Variants in INPP4A observed in about 807,000 individuals in gnomAD.
INPP4A encodes the protein inositol polyphosphate-4-phosphatase, type I, 107kD.
Under a neutral mutation model 119.8 loss-of-function variants are expected in INPP4A, and 33 were observed. The ratio of observed to expected loss-of-function variants is 0.28; its 90% CI spans 0.21 to 0.37. The LOEUF (loss-of-function observed/expected upper bound fraction) is 0.37. INPP4A is among the 10% of genes least tolerant of loss of function. INPP4A has a pLI of 1.00. For synonymous variants in INPP4A, 496 were observed against 500.7 expected, an observed-to-expected ratio of 0.99 and a Z score of 0.12; for missense variants, 956 against 1,289.9, an observed-to-expected ratio of 0.74 and a Z score of 3.97.
chr2:98,548,214 C>G (rs565042649), intron 13 of INPP4A, among the ~76,000 whole-genome samples: 1 of 152,112 alleles, frequency 6.6e-6, no homozygotes, highest in Non-Finnish European at 1.5e-5. Flanking sequence ...CGGTGAGTCC[C>G]GGAGGGAGGA....
Position 98,487,365 on chromosome 2 carries a change from T to G in INPP4A, c.-165-31599T>G, listed in dbSNP as rs538610968. On this transcript the variant is annotated intron_variant, in intron 1 of 24. Coordinates refer to ENST00000409851, the MANE Select transcript of INPP4A (RefSeq NM_001134225.2). ...TCCTTGTTTTTGATGACCTTGACAG[T>G]GTTTAGAGACAGAATCAATTTTTAT... Among the ~76,000 whole-genome samples the G allele has an allele frequency of 2.4e-4, 37 of 152,310 alleles. 3 individuals carry two copies. In the East Asian group the frequency reaches 3.7e-3, roughly 15 times the overall value.
At chr2:98,452,125 G>T in intron 1 of INPP4A, among the ~76,000 whole-genome samples, 1 of 152,208 alleles carries the variant, frequency 6.6e-6, no homozygotes, top group African/African-American at 2.4e-5. Flanking sequence ...TGTCCAGCAG[G>T]AGCAGGGAAG....
At chr2:98,497,792 A>T (rs1682327157) in intron 1 of INPP4A, among the ~76,000 whole-genome samples, 1 of 152,164 alleles carries the variant, frequency 6.6e-6, no homozygotes, top group Admixed American at 6.5e-5. Flanking sequence ...CATGACCTGG[A>T]TATGAGACAT....
chr2:98,537,174 T>C (rs1047345477), intron 7 of INPP4A, among the ~76,000 whole-genome samples: 6 of 152,120 alleles, frequency 3.9e-5, no homozygotes, highest in Admixed American at 1.3e-4. Flanking sequence ...ACAAAGGAAA[T>C]GGTCAGTAGA....
In INPP4A at chr2:98,487,952, C is replaced by T. The variant is rs139158708; in HGVS notation, c.-165-31012C>T. ...GAATTACCTTCCTGTGGCAGTGTTA[C>T]GTGCCCAGGGTGCTCTGTCCCTGCT... On this transcript the variant is annotated intron_variant, in intron 1 of 24. Coordinates refer to ENST00000409851, the MANE Select transcript of INPP4A (RefSeq NM_001134225.2). Among the ~76,000 whole-genome samples the T allele has an allele frequency of 6.7e-3, 1,018 of 152,268 alleles. 17 individuals are homozygous for T. Among genetic ancestry groups the T allele is most frequent in the African/African-American group, 0.023 (952 of 41,546 alleles).
chr2:98,470,857 G>A lies in INPP4A; in HGVS notation c.-166+25772G>A, dbSNP rs142010837. ...TAATTTTTGTATTTTTAGTAGAGAC[G>A]GGGTTTCACCATGTTAGCCAGGCTG... On this transcript the variant is annotated intron_variant, in intron 1 of 24. Coordinates refer to ENST00000409851, the MANE Select transcript of INPP4A (RefSeq NM_001134225.2). Among the ~76,000 whole-genome samples, 461 of 152,036 alleles carry A rather than the reference G, an allele frequency of 3.0e-3. 1 individual carries two copies. Among genetic ancestry groups the A allele is most frequent in the African/African-American group, 0.011 (445 of 41,466 alleles).
intron 1 of INPP4A, among the ~76,000 whole-genome samples, chr2:98,458,318 T>G (rs1696523680): frequency 6.6e-6 from 1 of 152,096 alleles, no homozygotes; most frequent in African/African-American, 2.4e-5. Flanking sequence ...CACTCCAGTC[T>G]TGGTGACAGG....
intron 13 of INPP4A, among the ~76,000 whole-genome samples, chr2:98,548,743 A>T (rs1692942326): frequency 6.6e-6 from 1 of 152,160 alleles, no homozygotes; most frequent in Admixed American, 6.5e-5. Context: ...CTGAGGTGGG[A>T]TGTCTCCCTG....
chr2:98,502,932 C>A (rs1683395797), intron 1 of INPP4A, among the ~76,000 whole-genome samples: 1 of 152,160 alleles, frequency 6.6e-6, no homozygotes, highest in Admixed American at 6.5e-5. Flanking sequence ...TTTATATTTG[C>A]AGAATCAGTG....
intron 5 of INPP4A, 23 bp from the exon 6 acceptor site, chr2:98,535,706 G>T: frequency 8.9e-7 from 1 of 1,124,352 alleles, no homozygotes; most frequent in Non-Finnish European, 1.3e-6. Context: ...CCTGTGTTCT[G>T]ATTATTTCCT....
rs3769704 is a variant in INPP4A at position 98,578,585 on chromosome 2, A to C, written c.2786+1442A>C. Among the ~76,000 whole-genome samples the C allele has an allele frequency of 6.6e-4, 101 of 152,366 alleles. 2 individuals carry two copies. In the East Asian group the frequency reaches 0.01, roughly 16 times the overall value. The stretch of plus-strand genomic sequence containing the variant: ...ACAAAGTGGCCCCCTGGAGAGCCAC[A>C]GTGCGATGGCAGGCCTGTCACTGAG... On this transcript the variant is annotated intron_variant, in intron 24 of 24. Transcript: ENST00000409851.
At chr2:98,480,101 C>T (rs752076346) in intron 1 of INPP4A, among the ~76,000 whole-genome samples, 8 of 152,222 alleles carry the variant, frequency 5.3e-5, no homozygotes, top group Non-Finnish European at 1.2e-4. Flanking sequence ...CCGCTAGACA[C>T]GGAGCCTCTG....
chr2:98,568,604 C>T lies in INPP4A; in HGVS notation c.2454C>T (p.Asn818=), dbSNP rs368299754. The T allele has an allele frequency of 4.6e-5, 73 of 1,603,258 alleles. No homozygotes were observed. In the African/African-American group the frequency reaches 8.0e-4, roughly 18 times the overall value. Residue 818 remains asparagine, a synonymous_variant, in exon 22 of 25, where the codon AAC becomes AAT. Coordinates refer to ENST00000409851, the MANE Select transcript of INPP4A (RefSeq NM_001134225.2). ...FGDTSLQEVI[N]VESLVRLNSY... ...ATACGTCTTTACAAGAAGTCATCAA[C>T]GTGGAGAGTTTGGTGCGGTTAAATT...
intron 1 of INPP4A, among the ~76,000 whole-genome samples, chr2:98,445,320 A>G (rs959502036): frequency 6.6e-6 from 1 of 152,108 alleles, no homozygotes; most frequent in African/African-American, 2.4e-5. Context: ...CGGCCGCCCC[A>G]GCAGGGAGCC....
intron 16 of INPP4A, among the ~76,000 whole-genome samples, chr2:98,557,151 C>G (rs1397723273): frequency 6.6e-6 from 1 of 152,046 alleles, no homozygotes; most frequent in Non-Finnish European, 1.5e-5. Flanking sequence ...TTTCTAGGCA[C>G]ATCCTGTATT....
chr2:98,531,521 G>A (rs562696451), intron 4 of INPP4A, among the ~76,000 whole-genome samples: 3 of 152,178 alleles, frequency 2.0e-5, no homozygotes, highest in East Asian at 1.9e-4. Context: ...ACAACAATTC[G>A]CAGAACAAAT....
At chr2:98,583,179 TGTTAAA>T (rs1699574142) in intron 24 of INPP4A, among the ~76,000 whole-genome samples, 1 of 152,254 alleles carries the variant, frequency 6.6e-6, no homozygotes, top group Non-Finnish European at 1.5e-5. Flanking sequence ...CACCAAAGGC[TGTTAAA>T]GTTATATACT....
intron 1 of INPP4A, among the ~76,000 whole-genome samples, chr2:98,483,331 A>C (rs2105079651): frequency 6.6e-6 from 1 of 152,276 alleles, no homozygotes; most frequent in Non-Finnish European, 1.5e-5. Flanking sequence ...TCGTGCTAGG[A>C]GACAGGAAGC....
In INPP4A at chr2:98,552,830, T is replaced by A; in HGVS notation, c.1208T>A (p.Val403Asp). Residue 403 changes from valine (V) to aspartate (D), a missense_variant, in exon 14 of 25, where the codon GTT becomes GAT. Physicochemically the swap from Val to Asp is radical, Grantham distance 152 (BLOSUM62 -3). Coordinates refer to ENST00000409851, the MANE Select transcript of INPP4A (RefSeq NM_001134225.2). ...CQSIIYIPQDVVRAKEIIAQI... is the reference protein window; with the variant it reads ...CQSIIYIPQDDVRAKEIIAQI... ...TCCATAATCTACATACCCCAGGATG[T>A]TGTCAGAGCCAAGGAGATCATCGCC... 1 of 1,613,914 alleles carries A rather than the reference T, an allele frequency of 6.2e-7. No individual in the cohort carries two copies. The highest frequency in any genetic ancestry group is 1.3e-5 in the African/African-American group (1 of 75,050).
Sources: allele counts gnomAD v4.1 joint callset (sites outside exome capture counted in the v4.1 genomes callset), GRCh38; gene constraint gnomAD v4.1.1; transcripts MANE v1.5; gene names NCBI Gene and HGNC (gene_info 2026-07-23, HGNC 2026-07-21).